DTL: variants seen among roughly 807,000 people sequenced by gnomAD.
The protein encoded by DTL is denticleless protein homolog.
DTL carries 46 observed loss-of-function variants against 87.0 expected under a neutral mutation model. That is an observed-to-expected ratio of 0.53 (90% CI 0.42 to 0.68). DTL has a LOEUF of 0.68. DTL is among the 30% of genes least tolerant of loss of function. DTL has a pLI of 0.00. For synonymous variants in DTL, 308 were observed against 311.2 expected, an observed-to-expected ratio of 0.99 and a Z score of 0.11; for missense variants, 737 against 869.4, an observed-to-expected ratio of 0.85 and a Z score of 1.91.
Position 212,092,628 on chromosome 1 carries a change from G to GTA in DTL, c.1262-7615_1262-7614dup, listed in dbSNP as rs201069921. 8.0e-3 allele frequency among the ~76,000 whole-genome samples: 1,219 copies of GTA among 152,108 alleles called. 19 individuals carry two copies. The highest frequency in any genetic ancestry group is 0.027 in the African/African-American group (1,119 of 41,492). ...TTTTATGGCTAAGTAGTATTCCCTG[G>GTA]TATATATATACACCACGTTTTCTTT... On this transcript the variant is annotated intron_variant, in intron 13 of 14. Coordinates refer to ENST00000366991, the MANE Select transcript of DTL (RefSeq NM_016448.4).
intron 5 of DTL, among the ~76,000 whole-genome samples, chr1:212,047,831 C>T (rs73089263): frequency 0.015 from 2,349 of 152,270 alleles, 59 homozygotes; most frequent in African/African-American, 0.054. Context: ...CCGCTGCACC[C>T]AGCCAGGTGA....
At chr1:212,059,779 CAAAAAAAAAAA>C (rs58890148) in intron 5 of DTL, among the ~76,000 whole-genome samples, 2 of 80,222 alleles carry the variant, frequency 2.5e-5, no homozygotes, top group Non-Finnish European at 4.9e-5. Flanking sequence ...AAAGACTCTA[CAAAAAAAAAAA>C]AAAAAAAAAA....
intron 10 of DTL, among the ~76,000 whole-genome samples, chr1:212,071,160 C>A (rs919697331): frequency 6.6e-6 from 1 of 152,148 alleles, no homozygotes; most frequent in African/African-American, 2.4e-5. Context: ...ATACAAAGTT[C>A]TTTTCCAGCT....
chr1:212,070,903 A>G (rs961175540), intron 10 of DTL, among the ~76,000 whole-genome samples: 4 of 152,218 alleles, frequency 2.6e-5, no homozygotes, highest in African/African-American at 9.6e-5. Flanking sequence ...TTAGACCAGC[A>G]GAGGGCAATA....
intron 13 of DTL, among the ~76,000 whole-genome samples, chr1:212,094,787 T>C (rs1363415909): frequency 5.9e-5 from 9 of 152,202 alleles, no homozygotes; most frequent in African/African-American, 1.9e-4. Flanking sequence ...TTAGCAGTGT[T>C]TTGTAGTTTT....
chr1:212,054,710 G>T (rs1026409161), intron 5 of DTL, among the ~76,000 whole-genome samples: 1 of 147,770 alleles, frequency 6.8e-6, no homozygotes, highest in Admixed American at 7.0e-5. Flanking sequence ...CGGGAGAAGC[G>T]CTTGAACCTG....
intron 1 of DTL, among the ~76,000 whole-genome samples, chr1:212,036,985 T>G (rs1571933021): frequency 6.6e-6 from 1 of 152,224 alleles, no homozygotes; most frequent in East Asian, 1.9e-4. Context: ...ATACCATCCT[T>G]ATTTATTTCC....
intron 13 of DTL, among the ~76,000 whole-genome samples, chr1:212,081,233 C>T (rs1221686848): frequency 4.6e-5 from 7 of 152,056 alleles, no homozygotes; most frequent in Admixed American, 4.6e-4. Flanking sequence ...GAAAAGATGG[C>T]ATTTGAGTAA....
chr1:212,087,860 G>A (rs1055725562), intron 13 of DTL, among the ~76,000 whole-genome samples: 2 of 152,022 alleles, frequency 1.3e-5, no homozygotes, highest in Non-Finnish European at 2.9e-5. Flanking sequence ...TTCACTTCTG[G>A]CCCTGGCTTG....
intron 5 of DTL, among the ~76,000 whole-genome samples, chr1:212,048,994 C>G (rs552994717): frequency 6.6e-6 from 1 of 152,188 alleles, no homozygotes; most frequent in Non-Finnish European, 1.5e-5. Flanking sequence ...GTGATCTTGG[C>G]TCACTGCAAC....
chr1:212,078,625 A>G (rs1458111949), intron 12 of DTL, among the ~76,000 whole-genome samples: 2 of 152,206 alleles, frequency 1.3e-5, no homozygotes, highest in African/African-American at 2.4e-5. Flanking sequence ...AATGTAGTAT[A>G]TTAAAGGTAA....
chr1:212,078,007 G>A (rs892917748), intron 11 of DTL, among the ~76,000 whole-genome samples, 166 bp from the exon 12 acceptor site: 5 of 110,216 alleles, frequency 4.5e-5, no homozygotes, highest in Non-Finnish European at 1.9e-5. Context: ...ATATTTCATT[G>A]CCCATTGGAA....
chr1:212,101,179 G>T (rs1397845014), intron 14 of DTL, 95 bp downstream of exon 14: 117 of 863,724 alleles, frequency 1.4e-4, no homozygotes, highest in Non-Finnish European at 1.9e-4. Context: ...TTTTTTTAAA[G>T]AAAGAAATCT....
chr1:212,098,985 CCTT>C (rs1274226592), intron 13 of DTL, among the ~76,000 whole-genome samples: 13 of 152,202 alleles, frequency 8.5e-5, no homozygotes, highest in Non-Finnish European at 8.8e-5. Flanking sequence ...CTGAAAGTCT[CCTT>C]CTCCCTATGG....
intron 13 of DTL, among the ~76,000 whole-genome samples, chr1:212,097,088 T>G (rs116607784): frequency 0.027 from 4,056 of 152,330 alleles, 80 homozygotes; most frequent in Non-Finnish European, 0.04. Flanking sequence ...CTTTCATCTT[T>G]TCTTCATTTA....
At chr1:212,053,945 T>A (rs2993546) in intron 5 of DTL, among the ~76,000 whole-genome samples, 7,001 of 152,278 alleles carry the variant, frequency 0.046, 223 homozygotes, top group African/African-American at 0.083. Flanking sequence ...TCTTTGTAAG[T>A]CAAGTAATTT....
chr1:212,077,240 T>A (rs549230074), intron 11 of DTL, among the ~76,000 whole-genome samples: 51 of 152,288 alleles, frequency 3.3e-4, no homozygotes, highest in African/African-American at 1.1e-3. Flanking sequence ...TTTGTACTCG[T>A]TATTGTGCTG....
intron 1 of DTL, among the ~76,000 whole-genome samples, chr1:212,039,444 G>A (rs1366712121): frequency 3.9e-5 from 6 of 152,174 alleles, no homozygotes; most frequent in African/African-American, 1.4e-4. Flanking sequence ...TGGGGCACGG[G>A]AATGCCTTTC....
chr1:212,084,471 C>CTGGGATTA (rs1355244116), intron 13 of DTL, among the ~76,000 whole-genome samples: 5 of 152,104 alleles, frequency 3.3e-5, no homozygotes, highest in Non-Finnish European at 7.4e-5. Flanking sequence ...CAGGCGTGAG[C>CTGGGATTA]CACCGTGCCC....
Sources: allele counts gnomAD v4.1 joint callset (sites outside exome capture counted in the v4.1 genomes callset), GRCh38; gene constraint gnomAD v4.1.1; transcripts MANE v1.5; gene names NCBI Gene and HGNC (gene_info 2026-07-23, HGNC 2026-07-21).